Variants in SYNE1 observed in about 807,000 individuals in gnomAD.
The protein encoded by SYNE1 is spectrin repeat containing nuclear envelope protein 1.
A neutral mutation model predicts 1,111.0 loss-of-function variants in SYNE1; 616 were observed. That is an observed-to-expected ratio of 0.55 (90% CI 0.52 to 0.59). The LOEUF is 0.59. Among genes scored for constraint, SYNE1 ranks in the 20% least tolerant of loss-of-function variants. The pLI, the probability that SYNE1 is intolerant of heterozygous loss-of-function variation, is 0.00. For missense variants in SYNE1, 10,006 were observed against 10,417.0 expected, an observed-to-expected ratio of 0.96 and a Z score of 1.72; for synonymous variants, 3,855 against 3,825.8, an observed-to-expected ratio of 1.01 and a Z score of -0.28.
intron 3 of SYNE1, among the ~76,000 whole-genome samples, chr6:152,593,273 A>G (rs1448635233): frequency 2.0e-5 from 3 of 152,196 alleles, no homozygotes; most frequent in Non-Finnish European, 4.4e-5. Context: ...TTATACTACA[A>G]TGAAATGTGT....
intron 139 of SYNE1, among the ~76,000 whole-genome samples, chr6:152,140,705 C>G (rs147153380): frequency 1.1e-3 from 160 of 152,224 alleles, no homozygotes; most frequent in African/African-American, 3.6e-3. Context: ...TGGGCAAACA[C>G]TACCATGATG....
chr6:152,172,606 A>G (rs775069428), intron 130 of SYNE1, among the ~76,000 whole-genome samples: 21 of 152,330 alleles, frequency 1.4e-4, no homozygotes, highest in Middle Eastern at 3.4e-3. Context: ...TAATACTAAA[A>G]AGACAGATTT....
Position 152,231,475 on chromosome 6 carries a change from C to T in SYNE1, c.20955G>A (p.Lys6985=), listed in dbSNP as rs138024258. The T allele has an allele frequency of 5.0e-5, 80 of 1,614,010 alleles. No homozygotes were observed. The highest frequency in any genetic ancestry group is 6.4e-5 in the Non-Finnish European group (75 of 1,180,024). ...LQISSQDVES[K]RSDKTDFAEQ... is the part of the protein sequence containing the mutation. ...CAGCAAAATCAGTCTTATCACTACGCTTACTTTCCACATCCTGACTGCTGA... is the reference window on the plus strand; with the variant it reads ...CAGCAAAATCAGTCTTATCACTACGTTTACTTTCCACATCCTGACTGCTGA... The change falls in exon 114 of 146, where the codon AAG becomes AAA. Residue 6985 remains lysine (K), a synonymous_variant. Transcript: ENST00000367255.
Position 152,359,303 on chromosome 6 carries a change from G to A in SYNE1, c.10443+12C>T, listed in dbSNP as rs1353152583. On this transcript the variant is annotated intron_variant, in intron 65 of 145. Transcript: ENST00000367255. Reference sequence around the variant, plus strand: ...CTTTTGGTGAGTCTACAAGGAAAGTGCTTTGCCGTACCTTGGCCCTCTCTT... The same window carrying A: ...CTTTTGGTGAGTCTACAAGGAAAGTACTTTGCCGTACCTTGGCCCTCTCTT... 2 of 1,613,554 alleles carry A rather than the reference G, an allele frequency of 1.2e-6. No individual in the cohort carries two copies. The highest frequency in any genetic ancestry group is 1.7e-6 in the Non-Finnish European group (2 of 1,179,922).
intron 59 of SYNE1, among the ~76,000 whole-genome samples, chr6:152,372,625 T>TA (rs1328300860): frequency 7.2e-5 from 11 of 152,254 alleles, no homozygotes; most frequent in Non-Finnish European, 1.6e-4. Flanking sequence ...CCTAAAAACC[T>TA]ACTACCTGGT....
intron 8 of SYNE1, among the ~76,000 whole-genome samples, chr6:152,509,066 A>G (rs1308418392): frequency 6.6e-6 from 1 of 152,152 alleles, no homozygotes; most frequent in Non-Finnish European, 1.5e-5. Context: ...CATGCAAAAC[A>G]AGATAAAAAA....
At chr6:152,541,094 G>A (rs2099267276) in intron 3 of SYNE1, among the ~76,000 whole-genome samples, 1 of 152,148 alleles carries the variant, frequency 6.6e-6, no homozygotes, top group Non-Finnish European at 1.5e-5. Context: ...TGTAACAAGA[G>A]GAACTAATAT....
intron 126 of SYNE1, among the ~76,000 whole-genome samples, chr6:152,205,087 A>G (rs2076252902): frequency 6.6e-6 from 1 of 152,110 alleles, no homozygotes; most frequent in Admixed American, 6.5e-5. Flanking sequence ...AGAAGGCAAT[A>G]TATTATTAAA....
chr6:152,150,131 C>T (rs1015868028), intron 135 of SYNE1, among the ~76,000 whole-genome samples: 4 of 152,202 alleles, frequency 2.6e-5, no homozygotes, highest in African/African-American at 4.8e-5. Flanking sequence ...TCCAATGCCA[C>T]GCCTTCTTCT....
intron 101 of SYNE1, among the ~76,000 whole-genome samples, chr6:152,260,290 T>C (rs994877643): frequency 6.6e-6 from 1 of 152,142 alleles, no homozygotes. Context: ...AGCAGTCAAG[T>C]CCAGAAGATC....
intron 29 of SYNE1, among the ~76,000 whole-genome samples, chr6:152,445,137 T>TTATA (rs772834206): frequency 5.3e-5 from 8 of 150,634 alleles, no homozygotes; most frequent in African/African-American, 1.5e-4. Context: ...ACTGCATATA[T>TTATA]TATATATATA....
At chr6:152,491,104 C>T (rs62427697) in intron 11 of SYNE1, among the ~76,000 whole-genome samples, 35,513 of 150,808 alleles carry the variant, frequency 0.24, 4,526 homozygotes, top group East Asian at 0.46. Context: ...CCACATTCCA[C>T]TGGTGTCTGA....
chr6:152,636,462 A>C (rs1399119658), intron 2 of SYNE1, among the ~76,000 whole-genome samples, 176 bp downstream of exon 2: 1 of 152,132 alleles, frequency 6.6e-6, no homozygotes, highest in African/African-American at 2.4e-5. Flanking sequence ...CTTATCTATG[A>C]GTATCGCACA....
At chr6:152,490,367 G>A (rs994358157) in intron 11 of SYNE1, among the ~76,000 whole-genome samples, 10 of 152,110 alleles carry the variant, frequency 6.6e-5, no homozygotes, top group African/African-American at 9.7e-5. Context: ...AAGTCTGCAC[G>A]TATATATCCA....
rs2090047954 is a variant in SYNE1, at chr6:152,253,817, GGTTTTTTTTTTTTT to G, written c.19470+1049_19470+1062del. Among the ~76,000 whole-genome samples, 14 of 59,156 alleles carry G rather than the reference GGTTTTTTTTTTTTT, an allele frequency of 2.4e-4. 1 individual carries two copies. The highest frequency in any genetic ancestry group is 6.8e-4 in the South Asian group (1 of 1,474). 38.8% of individuals were successfully genotyped at this position (59,156 alleles called of 152,430 possible). ...ATGCTACATTTATGTGTAGTGGTTTGGTTTTTTTTTTTTTTTTTTTTTTTTTTTTTTTTTTTTTT... is the reference window on the plus strand; with the variant it reads ...ATGCTACATTTATGTGTAGTGGTTTGTTTTTTTTTTTTTTTTTTTTTTTTT... On this transcript the variant is annotated intron_variant, in intron 104 of 145. Transcript: ENST00000367255.
rs766652524 is a variant in SYNE1, at chr6:152,362,182, G to C, written c.10287C>G (p.Leu3429=). 6.2e-7 allele frequency: 1 copy of C among 1,614,148 alleles called. No homozygotes were observed. Among genetic ancestry groups the C allele is most frequent in the Non-Finnish European group, 8.5e-7 (1 of 1,180,036 alleles). Residue 3429 remains leucine, a synonymous_variant, in exon 64 of 146, where the codon CTC becomes CTG. Transcript: ENST00000367255. ...ATCCAGCTCTCACCTTGGCTTTTCC[G>C]AGCATCGTTGTTTTATCCCGCAGCT... ...HAELRDKTTM[L]GKAKLLNEEV...
At position 152,234,800 on chromosome 6, in the gene SYNE1, T is replaced by C. The variant is rs778905003; in HGVS notation, c.20397A>G (p.Arg6799=). The C allele has an allele frequency of 4.3e-6, 7 of 1,614,124 alleles. No individual in the cohort carries two copies. The highest frequency in any genetic ancestry group is 3.3e-4 in the Middle Eastern group (2 of 6,062). The change falls in exon 111 of 146, where the codon AGA becomes AGG. Residue 6799 remains arginine (R), a splice_region_variant and synonymous_variant. Transcript: ENST00000367255. ...RLETILKHWT[R]YQSESADLIH... ...TTAGATCTGCAGATTCACTTTGATA[T>C]CTGTTAAGTATATTATGGAGTCCAT...
chr6:152,123,342 T>C (rs915995094), intron 145 of SYNE1, among the ~76,000 whole-genome samples: 1 of 152,216 alleles, frequency 6.6e-6, no homozygotes, highest in African/African-American at 2.4e-5. Flanking sequence ...ATGATGTAGA[T>C]GCTAGGCTGA....
chr6:152,302,127 G>T, intron 91 of SYNE1, 64 bp from the exon 92 acceptor site: 1 of 1,602,134 alleles, frequency 6.2e-7, no homozygotes, highest in Non-Finnish European at 8.5e-7. Context: ...AAGTAGTAGC[G>T]TTCATCTTCC....
Sources: gnomAD v4.1 joint callset for allele counts (sites outside exome capture counted in the v4.1 genomes callset) on GRCh38, gnomAD v4.1.1 for gene constraint, MANE v1.5 for transcripts, NCBI Gene and HGNC (gene_info 2026-07-23, HGNC 2026-07-21) for gene names.